The following ALDH1A2 variants were observed in gnomAD, a reference collection of about 807,000 sequenced individuals.
ALDH1A2 encodes the protein retinal dehydrogenase 2.
Under a neutral mutation model 60.3 loss-of-function variants are expected in ALDH1A2, and 27 were observed. The ratio of observed to expected loss-of-function variants is 0.45; its 90% CI spans 0.33 to 0.62. ALDH1A2 has a LOEUF of 0.62. ALDH1A2 is among the 20% of genes least tolerant of loss of function. The probability of loss-of-function intolerance (pLI) is 0.02; values close to 1 mark genes in which losing one functional copy is unlikely to be tolerated. For missense variants in ALDH1A2, 581 were observed against 643.8 expected (o/e 0.90, Z 1.06); for synonymous variants, 289 against 232.4 (o/e 1.24, Z -2.21).
intron 7 of ALDH1A2, among the ~76,000 whole-genome samples, chr15:57,986,571 CAAAAAAAAAAA>C (rs71116542): frequency 2.4e-5 from 2 of 82,076 alleles, no homozygotes; most frequent in Admixed American, 1.5e-4. Flanking sequence ...ACAGAAAAGC[CAAAAAAAAAAA>C]AAAAAAAAAA....
chr15:57,980,332 C>G (rs1894449591), intron 7 of ALDH1A2: 2 of 432,418 alleles, frequency 4.6e-6, no homozygotes, highest in Non-Finnish European at 9.4e-6. Context: ...TGGCCTTGAA[C>G]AGGTCCATGG....
At chr15:58,021,540 AAACT>A (rs1895928458) in intron 1 of ALDH1A2, among the ~76,000 whole-genome samples, 1 of 152,208 alleles carries the variant, frequency 6.6e-6, no homozygotes, top group Non-Finnish European at 1.5e-5. Flanking sequence ...CCAAGCCCCG[AAACT>A]AACACAGGGA....
At chr15:58,038,000 C>T (rs903944088) in intron 1 of ALDH1A2, among the ~76,000 whole-genome samples, 1 of 151,586 alleles carries the variant, frequency 6.6e-6, no homozygotes, top group Non-Finnish European at 1.5e-5. Context: ...AGTTTTCCCC[C>T]GTGGGGCCTT....
At chr15:58,039,724 T>C (rs972735372) in intron 1 of ALDH1A2, among the ~76,000 whole-genome samples, 2 of 151,758 alleles carry the variant, frequency 1.3e-5, no homozygotes, top group Non-Finnish European at 2.9e-5. Context: ...GAGTTAGGGC[T>C]AGTTAAGTGA....
chr15:58,057,188 A>G (rs1896918469), intron 1 of ALDH1A2, among the ~76,000 whole-genome samples: 1 of 152,146 alleles, frequency 6.6e-6, no homozygotes, highest in Non-Finnish European at 1.5e-5. Context: ...AGCAGAAACT[A>G]AAAATTAGGA....
At chr15:57,974,209 G>A (rs1330356176) in intron 7 of ALDH1A2, among the ~76,000 whole-genome samples, 2 of 152,088 alleles carry the variant, frequency 1.3e-5, no homozygotes, top group African/African-American at 4.8e-5. Flanking sequence ...CAAGGCTGGT[G>A]GATCACGTGG....
chr15:58,058,419 T>C (rs1381622537), intron 1 of ALDH1A2, among the ~76,000 whole-genome samples: 7 of 145,888 alleles, frequency 4.8e-5, no homozygotes, highest in African/African-American at 1.8e-4. Context: ...ACACAACCTA[T>C]ACCACTTTCT....
chr15:57,975,623 C>T (rs1453326367), intron 7 of ALDH1A2, among the ~76,000 whole-genome samples: 1 of 152,104 alleles, frequency 6.6e-6, no homozygotes, highest in Non-Finnish European at 1.5e-5. Flanking sequence ...AATAGTTAAA[C>T]TATATACCCA....
intron 7 of ALDH1A2, among the ~76,000 whole-genome samples, chr15:57,969,543 C>G (rs1356302815): frequency 1.3e-5 from 2 of 152,068 alleles, no homozygotes; most frequent in Non-Finnish European, 2.9e-5. Flanking sequence ...CCTGACATGA[C>G]CAGAAGGTGG....
intron 3 of ALDH1A2, among the ~76,000 whole-genome samples, chr15:58,011,020 T>C (rs1895618102): frequency 1.3e-5 from 2 of 152,178 alleles, no homozygotes; most frequent in South Asian, 4.1e-4. Context: ...ACTATCCAAA[T>C]ACGTTAACAC....
Position 57,965,820 on chromosome 15 carries a change from T to C in ALDH1A2, c.806A>G (p.Lys269Arg). Residue 269 changes from lysine to arginine, a missense_variant, in exon 8 of 13, where the codon AAG becomes AGG. Transcript: ENST00000249750. ...TCTTCCAGCTGCTTCTTGGATAAGC[T>C]TTCCAACCTGAAAGAAGGGAAATGG... is the stretch of plus-strand genomic sequence containing the variant. ...IAFTGSTEVG[K>R]LIQEAAGRSN... is the part of the protein sequence containing the mutation. 6.2e-7 allele frequency: 1 copy of C among 1,613,986 alleles called. No homozygotes were observed. The highest frequency in any genetic ancestry group is 8.5e-7 in the Non-Finnish European group (1 of 1,179,864).
rs372460491 is a variant in ALDH1A2 at position 57,954,008 on chromosome 15, A to G, written c.*1189T>C. 18 of 152,624 alleles carry G rather than the reference A, an allele frequency of 1.2e-4. No homozygotes were observed. Among genetic ancestry groups the G allele is most frequent in the Admixed American group, 6.5e-4 (10 of 15,310 alleles). The allele number at this position is 152,624 out of a possible 1,614,324, so 9.5% of individuals were successfully genotyped here. On this transcript the variant is annotated 3_prime_UTR_variant, in exon 13 of 13. Transcript: ENST00000249750. ...CTTTACTCCCTGCAAGCTGTAGGCC[A>G]TGGCCTGCCCAGTGAGGGGCAAGAA...
chr15:57,979,297 TTTTTC>T (rs1299668901), intron 7 of ALDH1A2, among the ~76,000 whole-genome samples: 1 of 152,146 alleles, frequency 6.6e-6, no homozygotes, highest in Admixed American at 6.6e-5. Flanking sequence ...AAAAAATGTA[TTTTTC>T]TTTTGTTAAT....
intron 1 of ALDH1A2, among the ~76,000 whole-genome samples, chr15:58,056,245 T>G (rs1896893085): frequency 6.6e-6 from 1 of 152,216 alleles, no homozygotes; most frequent in South Asian, 2.1e-4. Flanking sequence ...TAGTGTGTAT[T>G]AAAACCATCA....
At chr15:57,985,707 A>G (rs947101029) in intron 7 of ALDH1A2, among the ~76,000 whole-genome samples, 23 of 152,180 alleles carry the variant, frequency 1.5e-4, no homozygotes, top group Non-Finnish European at 4.4e-5. Context: ...TTTACTATAC[A>G]TAAGATACTA....
intron 7 of ALDH1A2, among the ~76,000 whole-genome samples, chr15:57,969,793 C>T (rs549005617): frequency 6.6e-6 from 1 of 151,960 alleles, no homozygotes; most frequent in East Asian, 1.9e-4. Flanking sequence ...CCTTTTCTTC[C>T]AAGCAGAAAA....
intron 7 of ALDH1A2, among the ~76,000 whole-genome samples, chr15:57,981,617 A>G (rs1595635669): frequency 6.6e-6 from 1 of 152,188 alleles, no homozygotes; most frequent in Non-Finnish European, 1.5e-5. Flanking sequence ...ATAACAGACT[A>G]AACAATTCGC....
At chr15:58,011,361 C>A (rs577000104) in intron 3 of ALDH1A2, among the ~76,000 whole-genome samples, 8 of 152,240 alleles carry the variant, frequency 5.3e-5, no homozygotes, top group Non-Finnish European at 8.8e-5. Flanking sequence ...CAACCATTAC[C>A]TATTAAGAGT....
chr15:57,978,003 T>C (rs1343734502), intron 7 of ALDH1A2, among the ~76,000 whole-genome samples: 3 of 152,194 alleles, frequency 2.0e-5, no homozygotes, highest in Non-Finnish European at 2.9e-5. Context: ...TTGTCTATTA[T>C]TGGTGTATAG....
Sources: gnomAD v4.1 joint callset for allele counts (sites outside exome capture counted in the v4.1 genomes callset) on GRCh38, gnomAD v4.1.1 for gene constraint, MANE v1.5 for transcripts, NCBI Gene and HGNC (gene_info 2026-07-23, HGNC 2026-07-21) for gene names.